The following ADAMTS12 variants were observed in gnomAD, a reference collection of about 807,000 sequenced individuals.
The protein encoded by ADAMTS12 is ADAM metallopeptidase with thrombospondin type 1 motif 12, also known as A disintegrin and metalloproteinase with thrombospondin motifs 12.
A neutral mutation model predicts 167.8 loss-of-function variants in ADAMTS12; 118 were observed. The ratio of observed to expected loss-of-function variants is 0.70; its 90% CI spans 0.61 to 0.82. The LOEUF (loss-of-function observed/expected upper bound fraction) is 0.82, where lower values mean the gene tolerates loss of function less well. Ranked by LOEUF, ADAMTS12 falls within the 40% of genes least tolerant of loss-of-function variation. The pLI, the probability that ADAMTS12 is intolerant of heterozygous loss-of-function variation, is 0.00. For missense variants in ADAMTS12, 1,916 were observed against 1,998.8 expected (o/e 0.96, Z 0.79); for synonymous variants, 704 against 716.9 (o/e 0.98, Z 0.29).
chr5:33,736,628 G>T (rs1424592520), intron 3 of ADAMTS12, among the ~76,000 whole-genome samples: 1 of 152,214 alleles, frequency 6.6e-6, no homozygotes, highest in Non-Finnish European at 1.5e-5. Context: ...GGGCAGTGTG[G>T]AGAAGACATT....
intron 6 of ADAMTS12, among the ~76,000 whole-genome samples, chr5:33,658,772 C>T (rs1279717736): frequency 1.3e-5 from 2 of 152,012 alleles, no homozygotes; most frequent in Non-Finnish European, 1.5e-5. Context: ...ACTTCTTTTT[C>T]CCATTCATGA....
At chr5:33,844,822 A>C (rs2548019) in intron 2 of ADAMTS12, among the ~76,000 whole-genome samples, 70,711 of 151,938 alleles carry the variant, frequency 0.47, 18,360 homozygotes, top group African/African-American at 0.68. Flanking sequence ...AACCTACCGA[A>C]ATGTGATGCC....
chr5:33,607,828 A>T (rs903359827), intron 16 of ADAMTS12, among the ~76,000 whole-genome samples: 8 of 152,184 alleles, frequency 5.3e-5, no homozygotes, highest in Non-Finnish European at 1.2e-4. Context: ...TCCAGTAAGG[A>T]TTTTCTTGGA....
At chr5:33,652,915 G>A (rs1740918281) in intron 7 of ADAMTS12, among the ~76,000 whole-genome samples, 1 of 152,066 alleles carries the variant, frequency 6.6e-6, no homozygotes, top group Non-Finnish European at 1.5e-5. Context: ...TCAAAGATCA[G>A]TTCTCTCATT....
At chr5:33,609,004 G>A (rs960318696) in intron 16 of ADAMTS12, among the ~76,000 whole-genome samples, 1 of 152,168 alleles carries the variant, frequency 6.6e-6, no homozygotes, top group African/African-American at 2.4e-5. Context: ...CCCCCATACA[G>A]ATATTGTCAA....
intron 2 of ADAMTS12, among the ~76,000 whole-genome samples, chr5:33,854,171 CTT>C (rs1187200487): frequency 6.6e-6 from 1 of 152,176 alleles, no homozygotes; most frequent in African/African-American, 2.4e-5. Context: ...AACCAGGCCT[CTT>C]GTTTTCCCAT....
intron 5 of ADAMTS12, among the ~76,000 whole-genome samples, chr5:33,669,248 C>T (rs1475558705): frequency 3.3e-5 from 5 of 152,130 alleles, no homozygotes; most frequent in Non-Finnish European, 7.4e-5. Context: ...AATACTCTTT[C>T]TCCAGTCTTT....
intron 5 of ADAMTS12, among the ~76,000 whole-genome samples, chr5:33,664,357 T>C (rs1161362987): frequency 6.6e-6 from 1 of 152,030 alleles, no homozygotes; most frequent in Non-Finnish European, 1.5e-5. Context: ...AAACACCAAA[T>C]GTGACCCACC....
At chr5:33,552,271 C>T (rs964620818) in intron 20 of ADAMTS12, among the ~76,000 whole-genome samples, 10 of 152,216 alleles carry the variant, frequency 6.6e-5, no homozygotes, top group Non-Finnish European at 1.2e-4. Context: ...GCACAACTAA[C>T]AAACACAGGA....
At position 33,595,976 on chromosome 5, in the gene ADAMTS12, T is replaced by C. The variant is rs767302503; in HGVS notation, c.2612A>G (p.Asn871Ser). ...TTCATGGCACTTCTTCTGTCTCCCA[T>C]TGGGCTGTGTTTCTGGGTCACAGAA... ...ATFCDPETQP[N>S]GRQKKCHEKA... The change falls in exon 17 of 24, where the codon AAT becomes AGT. Residue 871 changes from asparagine to serine, a missense_variant. Physicochemically the swap from Asn to Ser is conservative, Grantham distance 46. Coordinates refer to ENST00000504830, the MANE Select transcript of ADAMTS12 (RefSeq NM_030955.4). 10 of 1,613,990 alleles carry C rather than the reference T, an allele frequency of 6.2e-6. No individual in the cohort carries two copies. The Admixed American group carries it at 8.3e-5, about 13-fold the overall frequency.
chr5:33,671,418 G>A (rs1200760494), intron 5 of ADAMTS12, among the ~76,000 whole-genome samples: 1 of 152,110 alleles, frequency 6.6e-6, no homozygotes, highest in Non-Finnish European at 1.5e-5. Context: ...TTACCATTAG[G>A]AGAAAATGAA....
chr5:33,701,251 A>T (rs1417078897), intron 3 of ADAMTS12, among the ~76,000 whole-genome samples: 3 of 152,170 alleles, frequency 2.0e-5, no homozygotes, highest in Non-Finnish European at 2.9e-5. Context: ...CTACTCCCCA[A>T]CATCTGAGCA....
intron 2 of ADAMTS12, among the ~76,000 whole-genome samples, chr5:33,758,035 T>C (rs986964967): frequency 1.3e-5 from 2 of 152,172 alleles, no homozygotes; most frequent in African/African-American, 2.4e-5. Context: ...CTGATAAATA[T>C]GAATACTGAT....
intron 20 of ADAMTS12, among the ~76,000 whole-genome samples, chr5:33,558,999 T>C (rs75818459): frequency 0.036 from 5,503 of 152,248 alleles, 138 homozygotes; most frequent in Non-Finnish European, 0.059. Context: ...ACCAGAGCCT[T>C]GCTTTGGGAA....
intron 9 of ADAMTS12, among the ~76,000 whole-genome samples, chr5:33,643,745 T>A (rs1272907003): frequency 6.6e-6 from 1 of 152,248 alleles, no homozygotes; most frequent in Non-Finnish European, 1.5e-5. Flanking sequence ...CATTTCTATA[T>A]GTTTGGCACA....
intron 19 of ADAMTS12, among the ~76,000 whole-genome samples, chr5:33,575,016 G>T (rs973752692): frequency 2.6e-5 from 4 of 152,126 alleles, no homozygotes; most frequent in Non-Finnish European, 5.9e-5. Context: ...TGATTTTGAT[G>T]CTTCAAAGGA....
At chr5:33,844,668 C>T (rs1186381587) in intron 2 of ADAMTS12, among the ~76,000 whole-genome samples, 4 of 152,186 alleles carry the variant, frequency 2.6e-5, no homozygotes, top group East Asian at 1.9e-4. Flanking sequence ...CCCATGATCT[C>T]GCCCTGCCTC....
chr5:33,885,637 T>C (rs1460221546), intron 1 of ADAMTS12, among the ~76,000 whole-genome samples: 16 of 152,304 alleles, frequency 1.1e-4, no homozygotes, highest in African/African-American at 4.8e-5. Context: ...CAGTGCCCCA[T>C]GATACAAGGC....
chr5:33,845,197 G>A (rs1204873969), intron 2 of ADAMTS12, among the ~76,000 whole-genome samples: 1 of 152,172 alleles, frequency 6.6e-6, no homozygotes, highest in East Asian at 1.9e-4. Flanking sequence ...AGAGGGTCTG[G>A]AACAGCAGCA....
Sources: allele counts gnomAD v4.1 joint callset (sites outside exome capture counted in the v4.1 genomes callset), GRCh38; gene constraint gnomAD v4.1.1; transcripts MANE v1.5; gene names NCBI Gene and HGNC (gene_info 2026-07-23, HGNC 2026-07-21).